Variants in ANKRD30BL observed in about 807,000 individuals in gnomAD.
The protein encoded by ANKRD30BL is ankyrin repeat domain 30B like.
In ANKRD30BL, 20 loss-of-function variants were observed where a neutral mutation model predicts 18.4. That is an observed-to-expected ratio of 1.09 (90% CI 0.77 to 1.58). ANKRD30BL has a LOEUF of 1.58. Ranked by LOEUF, ANKRD30BL falls within the 40% of genes most tolerant of loss-of-function variation. The pLI is 0.00. For synonymous variants in ANKRD30BL, 72 were observed against 100.9 expected (o/e 0.71, Z 1.72); for missense variants, 224 against 268.6 (o/e 0.83, Z 1.16).
intron 1 of ANKRD30BL, among the ~76,000 whole-genome samples, chr2:132,247,776 G>A (rs1680542999): frequency 2.0e-5 from 3 of 151,872 alleles, no homozygotes. Flanking sequence ...TTTCACCATA[G>A]GCCACAAACC....
chr2:132,257,010 G>T (rs749966310), intron 1 of ANKRD30BL: 1 of 517,026 alleles, frequency 1.9e-6, no homozygotes, highest in Non-Finnish European at 3.9e-6. Flanking sequence ...ACGGCCACGG[G>T]ATCCCACCGC....
At chr2:132,211,767 T>A (rs200263906) in intron 1 of ANKRD30BL, among the ~76,000 whole-genome samples, 322 of 127,600 alleles carry the variant, frequency 2.5e-3, no homozygotes, top group African/African-American at 8.5e-3. Flanking sequence ...AAGCATTCTC[T>A]GAAACTTCTT....
chr2:132,173,009 G>A (rs543366687), intron 1 of ANKRD30BL, among the ~76,000 whole-genome samples: 1 of 151,420 alleles, frequency 6.6e-6, no homozygotes, highest in South Asian at 2.1e-4. Flanking sequence ...CCTGGTCAAC[G>A]GTGACTTTTA....
intron 1 of ANKRD30BL, among the ~76,000 whole-genome samples, chr2:132,221,628 G>A (rs1201725413): frequency 1.6e-5 from 2 of 123,414 alleles, no homozygotes; most frequent in Non-Finnish European, 3.2e-5. Flanking sequence ...CAGCCGCCCA[G>A]TCCGGGAGGG....
chr2:132,250,996 G>A (rs559288690), intron 1 of ANKRD30BL, among the ~76,000 whole-genome samples: 1 of 152,304 alleles, frequency 6.6e-6, no homozygotes, highest in South Asian at 2.1e-4. Flanking sequence ...GGGCACGTCA[G>A]GAAAAGGCTA....
At chr2:132,239,735 T>C (rs796380272) in intron 1 of ANKRD30BL, among the ~76,000 whole-genome samples, 1 of 151,982 alleles carries the variant, frequency 6.6e-6, no homozygotes, top group East Asian at 1.9e-4. Flanking sequence ...TGAGCAGTTT[T>C]GAAACACTCT....
intron 1 of ANKRD30BL, among the ~76,000 whole-genome samples, chr2:132,235,079 CA>C (rs528085626): frequency 6.6e-6 from 1 of 151,952 alleles, no homozygotes; most frequent in African/African-American, 2.4e-5. Flanking sequence ...GAGCCAAAGA[CA>C]AAAAACCACA....
chr2:132,237,603 G>C (rs142892486), intron 1 of ANKRD30BL, among the ~76,000 whole-genome samples: 1 of 151,988 alleles, frequency 6.6e-6, no homozygotes, highest in Non-Finnish European at 1.5e-5. Flanking sequence ...GCCTTCGCTG[G>C]AAACGGGTAT....
intron 1 of ANKRD30BL, among the ~76,000 whole-genome samples, chr2:132,218,139 A>C: frequency 6.6e-6 from 1 of 152,278 alleles, no homozygotes; most frequent in Non-Finnish European, 1.5e-5. Context: ...TCTAGACAGA[A>C]GCATTCTCAG....
At chr2:132,157,514 C>A (rs1687944073) in intron 1 of ANKRD30BL, 91 bp from the exon 2 acceptor site, 3 of 457,276 alleles carry the variant, frequency 6.6e-6, no homozygotes, top group Non-Finnish European at 1.2e-5. Flanking sequence ...AAATACCATG[C>A]TCTTTCTCTG....
intron 1 of ANKRD30BL, among the ~76,000 whole-genome samples, chr2:132,185,603 G>T (rs1418030468): frequency 1.3e-5 from 2 of 152,144 alleles, no homozygotes; most frequent in Non-Finnish European, 2.9e-5. Context: ...TGATTTTAAG[G>T]AAATGTTTTA....
intron 1 of ANKRD30BL, among the ~76,000 whole-genome samples, chr2:132,238,019 A>G (rs375482353): frequency 6.6e-6 from 1 of 151,522 alleles, no homozygotes; most frequent in East Asian, 2.0e-4. Flanking sequence ...TTGCATTCAA[A>G]TCACAGATTC....
At chr2:132,237,058 A>G (rs1300747402) in intron 1 of ANKRD30BL, among the ~76,000 whole-genome samples, 1 of 151,740 alleles carries the variant, frequency 6.6e-6, no homozygotes, top group Non-Finnish European at 1.5e-5. Flanking sequence ...TCTCACTCAT[A>G]GGTGGGAATT....
intron 1 of ANKRD30BL, among the ~76,000 whole-genome samples, chr2:132,188,846 T>C (rs1285189747): frequency 6.6e-6 from 1 of 152,188 alleles, no homozygotes; most frequent in African/African-American, 2.4e-5. Flanking sequence ...AAAGAAAAGA[T>C]TGGTTCTACT....
intron 1 of ANKRD30BL, among the ~76,000 whole-genome samples, chr2:132,193,883 C>A (rs1678908915): frequency 6.6e-6 from 1 of 151,520 alleles, no homozygotes; most frequent in African/African-American, 2.4e-5. Flanking sequence ...AAGTCCTGCT[C>A]TCTAAAGAAG....
At chr2:132,217,486 C>T (rs969174671) in intron 1 of ANKRD30BL, among the ~76,000 whole-genome samples, 3 of 152,008 alleles carry the variant, frequency 2.0e-5, no homozygotes, top group Non-Finnish European at 4.4e-5. Context: ...GTGATGTTCG[C>T]ATTCAACTCA....
At chr2:132,220,290 C>G (rs185433964) in intron 1 of ANKRD30BL, among the ~76,000 whole-genome samples, 9 of 147,434 alleles carry the variant, frequency 6.1e-5, no homozygotes, top group East Asian at 2.1e-4. Context: ...GCCTCTCCCT[C>G]TCCCTCTCCC....
chr2:132,235,437 C>A (rs1257163836), intron 1 of ANKRD30BL, among the ~76,000 whole-genome samples: 1 of 151,920 alleles, frequency 6.6e-6, no homozygotes, highest in Non-Finnish European at 1.5e-5. Flanking sequence ...ATCTAGAAAA[C>A]CCCATTGTCT....
At chr2:132,253,642 G>A (rs78072780) in intron 1 of ANKRD30BL, among the ~76,000 whole-genome samples, 1 of 152,072 alleles carries the variant, frequency 6.6e-6, no homozygotes. Flanking sequence ...CTGGCCGGGG[G>A]GACGGAGTCG....
Sources: gnomAD v4.1 joint callset for allele counts (sites outside exome capture counted in the v4.1 genomes callset) on GRCh38, gnomAD v4.1.1 for gene constraint, MANE v1.5 for transcripts, NCBI Gene and HGNC (gene_info 2026-07-23, HGNC 2026-07-21) for gene names.